NOP53: variants seen among roughly 807,000 people sequenced by gnomAD.
The protein encoded by NOP53 is ribosome biogenesis protein NOP53.
Under a neutral mutation model 61.0 loss-of-function variants are expected in NOP53, and 40 were observed. The ratio of observed to expected loss-of-function variants is 0.66; its 90% confidence interval spans 0.51 to 0.85. The LOEUF (loss-of-function observed/expected upper bound fraction) is 0.85. Ranked by LOEUF, NOP53 falls within the 40% of genes least tolerant of loss-of-function variation. NOP53 has a pLI of 0.00. For synonymous variants in NOP53, 308 were observed against 289.5 expected, an observed-to-expected ratio of 1.06 and a Z score of -0.65; for missense variants, 689 against 652.9, an observed-to-expected ratio of 1.06 and a Z score of -0.60.
In NOP53 at chr19:47,745,764, C is replaced by CT; in HGVS notation, c.206dup (p.Gln70ThrfsTer15). 1.3e-6 allele frequency: 2 copies of CT among 1,573,534 alleles called. No homozygotes were observed. The highest frequency in any genetic ancestry group is 1.7e-6 in the Non-Finnish European group (2 of 1,160,470). On this transcript the variant is annotated frameshift_variant, in exon 1 of 13. Coordinates refer to ENST00000246802, the MANE Select transcript of NOP53 (RefSeq NM_015710.5). LOFTEE classifies it high-confidence loss of function. ...TGACCAGTTCCTGGAAGACGTGCGG[C>CT]TACAGGAGCGCACGAGCGGGTACGT... is the stretch of plus-strand genomic sequence containing the variant.
chr19:47,749,285 C>T lies in NOP53; in HGVS notation c.290-893C>T, dbSNP rs144061658. Among the ~76,000 whole-genome samples the T allele has an allele frequency of 4.3e-3, 654 of 152,182 alleles. 26 individuals carry two copies. The highest frequency in any genetic ancestry group is 0.04 in the Admixed American group (613 of 15,276). Reference sequence around the variant, plus strand: ...TAATGAACAGATGGGAAAGTAGTTACCGGCGTGCTTTGGCGAGTGGGAAGC... The same window carrying T: ...TAATGAACAGATGGGAAAGTAGTTATCGGCGTGCTTTGGCGAGTGGGAAGC... On this transcript the variant is annotated intron_variant, in intron 2 of 12. Coordinates refer to ENST00000246802, the MANE Select transcript of NOP53 (RefSeq NM_015710.5).
At chr19:47,755,661 T>A in intron 9 of NOP53, 95 bp from the exon 10 acceptor site, 1 of 1,364,178 alleles carries the variant, frequency 7.3e-7, no homozygotes, top group Non-Finnish European at 1.0e-6. Flanking sequence ...AACCCCACAT[T>A]CTCAGAGGCC....
At position 47,745,766 on chromosome 19, in the gene NOP53, A is replaced by C. The variant is rs1367651314; in HGVS notation, c.207A>C (p.Leu69=). ...EVDQFLEDVR[L]QERTSGGLLS... ...ACCAGTTCCTGGAAGACGTGCGGCT[A>C]CAGGAGCGCACGAGCGGGTACGTTG... is the stretch of plus-strand genomic sequence containing the variant. The change falls in exon 1 of 13, where the codon CTA becomes CTC. Residue 69 remains leucine, a synonymous_variant. Transcript: ENST00000246802. The C allele has an allele frequency of 1.3e-6, 2 of 1,568,982 alleles. No homozygotes were observed. Among genetic ancestry groups the C allele is most frequent in the Non-Finnish European group, 1.7e-6 (2 of 1,158,350 alleles).
chr19:47,756,037 C>T (rs1302941100), intron 10 of NOP53: 8 of 585,926 alleles, frequency 1.4e-5, no homozygotes, highest in East Asian at 5.7e-5. Context: ...AAGGCCTTTC[C>T]TTCCAGCTGG....
Position 47,756,617 on chromosome 19 carries a change from C to A in NOP53, c.1373+13C>A, listed in dbSNP as rs756004246. 9 of 1,613,496 alleles carry A rather than the reference C, an allele frequency of 5.6e-6. No individual in the cohort carries two copies. The Admixed American group carries it at 1.2e-4, about 21-fold the overall frequency. On this transcript the variant is annotated intron_variant, in intron 11 of 12. Transcript: ENST00000246802. Reference sequence around the variant, plus strand: ...GAGAGAGAGCCAAGTAAGGGGCGGCCGGGGCTGCTGTGGGGCGAGGGCATC... The same window carrying A: ...GAGAGAGAGCCAAGTAAGGGGCGGCAGGGGCTGCTGTGGGGCGAGGGCATC...
chr19:47,755,288 A>T (rs1295523942), intron 8 of NOP53, 60 bp from the exon 9 acceptor site: 2 of 1,185,700 alleles, frequency 1.7e-6, no homozygotes, highest in Admixed American at 6.5e-5. Context: ...CTGTGTAGAG[A>T]GAAGGTCTCC....
Position 47,755,577 on chromosome 19 carries a change from G to A in NOP53, c.1229+54G>A, listed in dbSNP as rs1967185163. Reference sequence around the variant, plus strand: ...AGGCTGGGGAGGGGGCCGGGTCCCAGGTCCTGACACCTTCCTGCCTTTGTT... The same window carrying A: ...AGGCTGGGGAGGGGGCCGGGTCCCAAGTCCTGACACCTTCCTGCCTTTGTT... On this transcript the variant is annotated intron_variant, in intron 9 of 12. Transcript: ENST00000246802. 4.2e-6 allele frequency: 6 copies of A among 1,441,964 alleles called. No homozygotes were observed. The African/African-American group carries it at 4.3e-5, about 10-fold the overall frequency. 89.3% of individuals were successfully genotyped at this position (1,441,964 alleles called of 1,614,324 possible). A position where few individuals can be genotyped will look rare whatever the true frequency, so the allele number is the denominator to read the frequency against.
chr19:47,752,275 C>T (rs56306341), intron 5 of NOP53, among the ~76,000 whole-genome samples: 2,473 of 152,222 alleles, frequency 0.016, 30 homozygotes, highest in South Asian at 0.039. Context: ...CTGCTGGACC[C>T]CAAGTGTTAG....
At chr19:47,746,853 G>A in intron 1 of NOP53, 114 bp from the exon 2 acceptor site, 2 of 832,502 alleles carry the variant, frequency 2.4e-6, no homozygotes. Context: ...GCCTTAGCCT[G>A]GAAGAGTCCG....
intron 5 of NOP53, among the ~76,000 whole-genome samples, chr19:47,752,278 A>G (rs1250133924): frequency 2.6e-5 from 4 of 152,110 alleles, no homozygotes; most frequent in South Asian, 2.1e-4. Flanking sequence ...CTGGACCCCA[A>G]GTGTTAGAGC....
At position 47,754,463 on chromosome 19, in the gene NOP53, A is replaced by G. The variant is rs1967161844; in HGVS notation, c.766-64A>G. The G allele has an allele frequency of 8.0e-7, 1 of 1,246,846 alleles. No homozygotes were observed. Among genetic ancestry groups the G allele is most frequent in the Non-Finnish European group, 1.1e-6 (1 of 875,852 alleles). 77.2% of individuals were successfully genotyped at this position (1,246,846 alleles called of 1,614,324 possible). On this transcript the variant is annotated intron_variant, in intron 6 of 12. Coordinates refer to ENST00000246802, the MANE Select transcript of NOP53 (RefSeq NM_015710.5). The surrounding 1 kb of genome is among the most constrained non-coding windows in gnomAD (Gnocchi z 4.2). Reference sequence around the variant, plus strand: ...ACTGGATGAGGGACAGATGGGAGGTAAGAGGGTCTAGTCTCAGTGTCCCAG... The same window carrying G: ...ACTGGATGAGGGACAGATGGGAGGTGAGAGGGTCTAGTCTCAGTGTCCCAG...
chr19:47,746,811 T>C, intron 1 of NOP53, 156 bp from the exon 2 acceptor site: 1 of 613,312 alleles, frequency 1.6e-6, no homozygotes, highest in East Asian at 2.9e-5. Flanking sequence ...CAGTCCTTCC[T>C]AAATACTAAG....
chr19:47,754,345 G>T lies in NOP53; in HGVS notation c.766-182G>T. The stretch of plus-strand genomic sequence containing the variant: ...ACGTGCAGAGCAGGTGTGAGGGCGA[G>T]GGTTTGAGGTGCCCTCTGGCTCTGT... On this transcript the variant is annotated intron_variant, in intron 6 of 12. Coordinates refer to ENST00000246802, the MANE Select transcript of NOP53 (RefSeq NM_015710.5). The surrounding 1 kb of genome is among the most constrained non-coding windows in gnomAD (Gnocchi z 4.2). The T allele has an allele frequency of 1.7e-6, 1 of 602,014 alleles. No homozygotes were observed. The allele number at this position is 602,014 out of a possible 1,614,324, so 37.3% of individuals were successfully genotyped here. A position where few individuals can be genotyped will look rare whatever the true frequency, so the allele number is the denominator to read the frequency against.
rs372081400 is a variant in NOP53, at chr19:47,754,822, C to T, written c.984C>T (p.Pro328=). Residue 328 remains proline, a synonymous_variant, in exon 8 of 13, where the codon CCC becomes CCT. Transcript: ENST00000246802. The surrounding 1 kb of genome is among the most constrained non-coding windows in gnomAD (Gnocchi z 4.2). The part of the protein sequence containing the change: ...EAGDAEVCPT[P]ARLATTEKKT... ...GGGATGCCGAGGTCTGTCCCACGCC[C>T]GCCCGCCTGGCCACCACAGAGAAGA... 8.3e-5 allele frequency: 127 copies of T among 1,535,844 alleles called. No individual in the cohort carries two copies. In the African/African-American group the frequency reaches 1.4e-3, roughly 17 times the overall value.
intron 5 of NOP53, among the ~76,000 whole-genome samples, 171 bp downstream of exon 5, chr19:47,751,761 TC>T (rs1176508237): frequency 6.6e-6 from 1 of 152,100 alleles, no homozygotes; most frequent in African/African-American, 2.4e-5. Flanking sequence ...TGCTGACTGA[TC>T]CTGGGAAGGT....
intron 1 of NOP53, 84 bp downstream of exon 1, chr19:47,745,867 G>T (rs1394789495): frequency 4.2e-5 from 3 of 72,272 alleles, no homozygotes; most frequent in Non-Finnish European, 7.8e-5. Flanking sequence ...ACTCGTCGGG[G>T]GTCGGGGGTC....
At chr19:47,750,076 T>G (rs555151512) in intron 2 of NOP53, 102 bp from the exon 3 acceptor site, 1 of 707,742 alleles carries the variant, frequency 1.4e-6, no homozygotes. Context: ...CTGGGGTGAC[T>G]TGGGATTCAG....
rs534642303 is a variant in NOP53 at position 47,750,756 on chromosome 19, G to A, written c.399-152G>A. The A allele has an allele frequency of 5.8e-4, 394 of 680,902 alleles. 5 individuals carry two copies. Among genetic ancestry groups the A allele is most frequent in the South Asian group, 5.5e-3 (342 of 62,274 alleles). The allele number at this position is 680,902 out of a possible 1,614,324, so 42.2% of individuals were successfully genotyped here. On this transcript the variant is annotated intron_variant, in intron 3 of 12. Coordinates refer to ENST00000246802, the MANE Select transcript of NOP53 (RefSeq NM_015710.5). The stretch of plus-strand genomic sequence containing the variant: ...TAGGCTGGAGACAGACGTGGGGAGA[G>A]GAGTTCTCTGAAGAGGGGGCGGAGT...
chr19:47,754,430 C>T lies in NOP53; in HGVS notation c.766-97C>T, dbSNP rs569153463. 7 of 951,490 alleles carry T rather than the reference C, an allele frequency of 7.4e-6. No homozygotes were observed. The African/African-American group carries it at 8.1e-5, about 11-fold the overall frequency. 58.9% of individuals were successfully genotyped at this position (951,490 alleles called of 1,614,324 possible). On this transcript the variant is annotated intron_variant, in intron 6 of 12. Transcript: ENST00000246802. This position sits in a 1 kb window ranked among gnomAD's most constrained non-coding sequence, Gnocchi z 4.2. ...AGGAAAGCCTGGGCCGGGGCGGGAT[C>T]CACGGGCACTGGATGAGGGACAGAT...
Sources: gnomAD v4.1 joint callset for allele counts (sites outside exome capture counted in the v4.1 genomes callset) on GRCh38, gnomAD v4.1.1 for gene constraint, Gnocchi (gnomAD v3.1) non-coding constraint, MANE v1.5 for transcripts, NCBI Gene and HGNC (gene_info 2026-07-23, HGNC 2026-07-21) for gene names.